The following TLN2 variants were observed in gnomAD, a reference collection of about 807,000 sequenced individuals.
TLN2 encodes the protein talin 2.
A neutral mutation model predicts 294.7 loss-of-function variants in TLN2; 118 were observed. The observed-to-expected ratio is 0.40, with a 90% CI of 0.34 to 0.47. The LOEUF is 0.47. Ranked by LOEUF, TLN2 falls within the 20% of genes least tolerant of loss-of-function variation. The pLI, the probability that TLN2 is intolerant of heterozygous loss-of-function variation, is 0.84. For synonymous variants in TLN2, 1,431 were observed against 1,304.5 expected (o/e 1.10, Z -2.09); for missense variants, 3,083 against 3,282.2 (o/e 0.94, Z 1.48).
At chr15:62,527,685 T>A (rs2040815522) in intron 1 of TLN2, among the ~76,000 whole-genome samples, 1 of 152,252 alleles carries the variant, frequency 6.6e-6, no homozygotes, top group Non-Finnish European at 1.5e-5. Context: ...TGCACAATTA[T>A]GTCTGTACAC....
At chr15:62,737,153 T>C in intron 29 of TLN2, 67 bp downstream of exon 29, 1 of 1,548,634 alleles carries the variant, frequency 6.5e-7, no homozygotes. Flanking sequence ...GGTCGGGCTG[T>C]CTCCTGGGCA....
At chr15:62,556,016 C>T (rs1263892869) in intron 1 of TLN2, among the ~76,000 whole-genome samples, 6 of 148,304 alleles carry the variant, frequency 4.0e-5, no homozygotes, top group African/African-American at 1.2e-4. Flanking sequence ...TTGAGATGCT[C>T]GTTGACTTAA....
chr15:62,582,801 A>G (rs2045254095), intron 1 of TLN2, among the ~76,000 whole-genome samples: 1 of 152,094 alleles, frequency 6.6e-6, no homozygotes. Context: ...TGTTGGAGGG[A>G]AGCTGGCAAG....
intron 3 of TLN2, among the ~76,000 whole-genome samples, chr15:62,646,277 C>T (rs2051828061): frequency 6.6e-6 from 1 of 151,984 alleles, no homozygotes; most frequent in South Asian, 2.1e-4. Context: ...ATTCTCCTGT[C>T]TCAGCCTCCC....
At chr15:62,548,008 G>A (rs1472323600) in intron 1 of TLN2, among the ~76,000 whole-genome samples, 1 of 152,178 alleles carries the variant, frequency 6.6e-6, no homozygotes, top group Middle Eastern at 3.2e-3. Flanking sequence ...TCTTCCAGGG[G>A]CCCTTTGCAA....
chr15:62,770,906 G>A, intron 41 of TLN2, 58 bp from the exon 42 acceptor site: 1 of 1,554,190 alleles, frequency 6.4e-7, no homozygotes, highest in Non-Finnish European at 8.6e-7. Context: ...TGGAGCCCCT[G>A]AAGGAGACAC....
intron 11 of TLN2, among the ~76,000 whole-genome samples, chr15:62,683,346 C>T (rs2056997930): frequency 1.3e-5 from 2 of 152,156 alleles, no homozygotes; most frequent in Non-Finnish European, 2.9e-5. Flanking sequence ...AGGGCTGAAC[C>T]CGTAGTTTTA....
At chr15:62,804,286 T>C (rs1007045545) in intron 50 of TLN2, among the ~76,000 whole-genome samples, 1 of 152,058 alleles carries the variant, frequency 6.6e-6, no homozygotes, top group African/African-American at 2.4e-5. Context: ...TTATTCTGAG[T>C]ATACCAGTGT....
rs116960722 is a variant in TLN2, at chr15:62,708,002, G to A, written c.2173-500G>A. Reference sequence around the variant, plus strand: ...AGCCTGTGGTAAGATTTGCAGCATCGTCTCCCTCAAGCTTTCATTGTCCAC... The same window carrying A: ...AGCCTGTGGTAAGATTTGCAGCATCATCTCCCTCAAGCTTTCATTGTCCAC... On this transcript the variant is annotated intron_variant, in intron 20 of 58. Transcript: ENST00000636159. 7.7e-4 allele frequency among the ~76,000 whole-genome samples: 117 copies of A among 152,076 alleles called. 1 individual carries two copies. In the East Asian group the frequency reaches 0.012, roughly 15 times the overall value.
At chr15:62,724,833 A>C (rs2060349829) in intron 26 of TLN2, 143 bp from the exon 27 acceptor site, 1 of 1,107,994 alleles carries the variant, frequency 9.0e-7, no homozygotes, top group Non-Finnish European at 1.2e-6. Context: ...TTCTCTCAGA[A>C]AAAATACTTG....
chr15:62,571,440 TC>T (rs1181217335), intron 1 of TLN2, among the ~76,000 whole-genome samples: 1 of 152,230 alleles, frequency 6.6e-6, no homozygotes, highest in Non-Finnish European at 1.5e-5. Context: ...ATAGACTCTA[TC>T]CCTACGGAAC....
intron 54 of TLN2, chr15:62,827,652 T>C (rs1411020281): frequency 6.6e-6 from 1 of 152,218 alleles, no homozygotes; most frequent in East Asian, 1.9e-4. Context: ...TTACTTATAA[T>C]GAATTTAGGC....
At chr15:62,515,000 C>G (rs1345570437) in intron 1 of TLN2, among the ~76,000 whole-genome samples, 2 of 152,250 alleles carry the variant, frequency 1.3e-5, no homozygotes, top group East Asian at 3.9e-4. Flanking sequence ...AGGTACAGAC[C>G]TAGGAATTAA....
At chr15:62,697,910 C>T (rs375707650) in intron 15 of TLN2, 42 bp downstream of exon 15, 3 of 1,596,398 alleles carry the variant, frequency 1.9e-6, no homozygotes, top group Non-Finnish European at 2.6e-6. Flanking sequence ...TAGTCTGCTG[C>T]CTCCCGCATG....
intron 3 of TLN2, among the ~76,000 whole-genome samples, chr15:62,628,294 G>T (rs1212521701): frequency 1.3e-5 from 2 of 152,204 alleles, no homozygotes; most frequent in Non-Finnish European, 2.9e-5. Flanking sequence ...ACCTATGGGG[G>T]CTTCCCTGCC....
chr15:62,555,216 G>GT (rs1228727872), intron 1 of TLN2, among the ~76,000 whole-genome samples: 1 of 152,152 alleles, frequency 6.6e-6, no homozygotes, highest in Non-Finnish European at 1.5e-5. Context: ...ATTTCAGATA[G>GT]TTGTCCATGT....
Position 62,711,990 on chromosome 15 carries a change from C to T in TLN2, c.2547C>T (p.Ala849=), listed in dbSNP as rs1198656422. 17 of 1,614,004 alleles carry T rather than the reference C, an allele frequency of 1.1e-5. No individual in the cohort carries two copies. The highest frequency in any genetic ancestry group is 4.0e-5 in the African/African-American group (3 of 74,914). ...ATGCCATGAGGTCAGATGCAGAAGC[C>T]GAAATCGACATGGAGAATTCAAAGA... ...LVNAMRSDAE[A]EIDMENSKKL... Residue 849 remains alanine (A), a synonymous_variant, in exon 22 of 59, where the codon GCC becomes GCT. Coordinates refer to ENST00000636159, the MANE Select transcript of TLN2 (RefSeq NM_015059.3).
chr15:62,576,712 G>A (rs1466154736), intron 1 of TLN2, among the ~76,000 whole-genome samples: 1 of 122,530 alleles, frequency 8.2e-6, no homozygotes, highest in Non-Finnish European at 1.6e-5. Context: ...TTTGTTCCTC[G>A]AGAAGACTTT....
chr15:62,673,708 A>G, intron 9 of TLN2, 119 bp from the exon 10 acceptor site: 1 of 688,272 alleles, frequency 1.5e-6, no homozygotes. Context: ...GTTATTAATT[A>G]CTCTATAAAA....
Sources: allele counts gnomAD v4.1 joint callset (sites outside exome capture counted in the v4.1 genomes callset), GRCh38; gene constraint gnomAD v4.1.1; transcripts MANE v1.5; gene names NCBI Gene and HGNC (gene_info 2026-07-23, HGNC 2026-07-21).